CACHD1: variants seen among roughly 807,000 people sequenced by gnomAD.
CACHD1 encodes cache domain containing 1.
In CACHD1, 71 loss-of-function variants were observed where a neutral mutation model predicts 138.7. That is an observed-to-expected ratio of 0.51 (90% CI 0.42 to 0.62). CACHD1 has a LOEUF of 0.62. Among genes scored for constraint, CACHD1 ranks in the 20% least tolerant of loss-of-function variants. The pLI is 0.00. For missense variants in CACHD1, 1,389 were observed against 1,625.3 expected (o/e 0.85, Z 2.50); for synonymous variants, 578 against 591.5 (o/e 0.98, Z 0.33).
chr1:64,533,876 C>T (rs1243401850), intron 1 of CACHD1, among the ~76,000 whole-genome samples: 2 of 150,668 alleles, frequency 1.3e-5, no homozygotes, highest in African/African-American at 4.9e-5. Context: ...CCTCAGCCTC[C>T]TGAGTAGCTG....
At position 64,676,982 on chromosome 1, in the gene CACHD1, C is replaced by G; in HGVS notation, c.3063C>G (p.Asn1021Lys). 1 of 1,613,810 alleles carries G rather than the reference C, an allele frequency of 6.2e-7. No homozygotes were observed. ...GLQDALHQCV[N>K]SRCSQRLESG... is the part of the protein sequence containing the mutation. ...AAGATGCTCTTCACCAGTGTGTCAA[C>G]AGCAGGTGCAGTCAGAGGCTGGAAA... Residue 1021 changes from asparagine (N) to lysine (K), a missense_variant, in exon 22 of 27, where the codon AAC (asparagine) becomes AAG (lysine). By Grantham distance (94) the Asn-to-Lys change is moderately conservative (BLOSUM62 0). This residue lies in a region of CACHD1 where 250 missense variants were observed against 292.9 expected (regional missense o/e 0.85). Coordinates refer to ENST00000651257, the MANE Select transcript of CACHD1 (RefSeq NM_020925.4).
chr1:64,546,034 AAAC>A (rs1435782867), intron 1 of CACHD1, among the ~76,000 whole-genome samples: 1 of 152,226 alleles, frequency 6.6e-6, no homozygotes, highest in African/African-American at 2.4e-5. Context: ...AGAATTTTAA[AAAC>A]AAGAAAGAGT....
intron 1 of CACHD1, among the ~76,000 whole-genome samples, chr1:64,486,205 T>A (rs1229753943): frequency 6.6e-6 from 1 of 152,222 alleles, no homozygotes. Flanking sequence ...TAAATTGGGC[T>A]GTTTATTATC....
intron 1 of CACHD1, among the ~76,000 whole-genome samples, chr1:64,530,181 C>T (rs1043682652): frequency 3.9e-5 from 6 of 152,188 alleles, no homozygotes; most frequent in Non-Finnish European, 7.3e-5. Flanking sequence ...ACACTGGGCA[C>T]CTGCTTCAGT....
intron 2 of CACHD1, among the ~76,000 whole-genome samples, chr1:64,557,788 A>AATT (rs139615946): frequency 0.051 from 7,734 of 150,266 alleles, 293 homozygotes; most frequent in East Asian, 0.12. Flanking sequence ...CTTTTTAAAA[A>AATT]ATTATTATTA....
rs1491197265 is a variant in CACHD1 at position 64,634,017 on chromosome 1, GGT to G, written c.790-26_790-25del. ...TAGACGGTAGGATAACAAGTTTGGT[GGT>G]TTTTTTTTTTTTTCTTTCCTGCAGA... On this transcript the variant is annotated intron_variant, in intron 6 of 26. Coordinates refer to ENST00000651257, the MANE Select transcript of CACHD1 (RefSeq NM_020925.4). 2,023 of 1,213,212 alleles carry G rather than the reference GGT, an allele frequency of 1.7e-3. 1 individual carries two copies. The highest frequency in any genetic ancestry group is 5.3e-3 in the Admixed American group (204 of 38,414). 75.2% of individuals were successfully genotyped at this position (1,213,212 alleles called of 1,614,324 possible). A position where few individuals can be genotyped will look rare whatever the true frequency, so the allele number is the denominator to read the frequency against.
intron 3 of CACHD1, among the ~76,000 whole-genome samples, chr1:64,593,576 A>T (rs1431347983): frequency 1.3e-5 from 2 of 152,162 alleles, no homozygotes; most frequent in Non-Finnish European, 2.9e-5. Flanking sequence ...TTTCTCCATG[A>T]AGATATGTTT....
intron 1 of CACHD1, among the ~76,000 whole-genome samples, chr1:64,532,924 G>T (rs1269822548): frequency 1.6e-4 from 25 of 151,994 alleles, no homozygotes. Context: ...AGTGGTAGAA[G>T]GTAACAGCTC....
At chr1:64,546,520 A>G (rs1646719602) in intron 1 of CACHD1, among the ~76,000 whole-genome samples, 1 of 152,014 alleles carries the variant, frequency 6.6e-6, no homozygotes, top group Non-Finnish European at 1.5e-5. Context: ...TTTTTCATAT[A>G]GATGAGGTTT....
chr1:64,541,629 G>A lies in CACHD1; in HGVS notation c.199-8965G>A, dbSNP rs116581521. Among the ~76,000 whole-genome samples the A allele has an allele frequency of 8.8e-3, 1,337 of 152,044 alleles. 22 individuals carry two copies. The highest frequency in any genetic ancestry group is 0.031 in the African/African-American group (1,276 of 41,478). On this transcript the variant is annotated intron_variant, in intron 1 of 26. Coordinates refer to ENST00000651257, the MANE Select transcript of CACHD1 (RefSeq NM_020925.4). ...TCGAGACCAACCTGGACAACATAGC[G>A]ACACCCTGTCTCTACCAAACAAAAC... is the stretch of plus-strand genomic sequence containing the variant.
intron 10 of CACHD1, among the ~76,000 whole-genome samples, 176 bp downstream of exon 10, chr1:64,652,486 CAT>C (rs985440618): frequency 1.3e-5 from 2 of 152,168 alleles, no homozygotes; most frequent in African/African-American, 2.4e-5. Flanking sequence ...CCAAATTACA[CAT>C]GTGTTTCTCT....
intron 17 of CACHD1, 86 bp downstream of exon 17, chr1:64,671,772 G>A: frequency 1.3e-6 from 2 of 1,508,762 alleles, no homozygotes; most frequent in Non-Finnish European, 1.8e-6. Context: ...GAACCGCATA[G>A]TTATGGTCAG....
chr1:64,632,554 T>G, intron 5 of CACHD1, 45 bp from the exon 6 acceptor site: 2 of 1,608,796 alleles, frequency 1.2e-6, no homozygotes, highest in Non-Finnish European at 1.7e-6. Flanking sequence ...TTGAGGCCCT[T>G]TACCTAAACC....
At chr1:64,566,972 C>G (rs1250676326) in intron 2 of CACHD1, among the ~76,000 whole-genome samples, 3 of 151,940 alleles carry the variant, frequency 2.0e-5, no homozygotes, top group African/African-American at 7.3e-5. Context: ...GTATGTGTTG[C>G]CTCCTCTAAA....
intron 4 of CACHD1, among the ~76,000 whole-genome samples, chr1:64,618,732 C>T (rs1029930138): frequency 1.3e-5 from 2 of 152,192 alleles, no homozygotes; most frequent in African/African-American, 4.8e-5. Flanking sequence ...AAAATGTTTG[C>T]TGTTGTACAG....
chr1:64,663,802 G>C lies in CACHD1; in HGVS notation c.2059G>C (p.Asp687His), dbSNP rs1244394778. The change falls in exon 14 of 27, where the codon GAC becomes CAC. Residue 687 changes from aspartate (D) to histidine (H), a missense_variant. Transcript: ENST00000651257. The part of the protein sequence containing the change: ...MVEHYTAYLS[D>H]NTRLIANPGL... ...AGAGCACTACACCGCCTATCTCAGC[G>C]ACAACACCCGCCTCATTGCTAACCC... 1 of 1,614,090 alleles carries C rather than the reference G, an allele frequency of 6.2e-7. No homozygotes were observed. The highest frequency in any genetic ancestry group is 8.5e-7 in the Non-Finnish European group (1 of 1,180,004).
chr1:64,566,416 G>A (rs1449026069), intron 2 of CACHD1, among the ~76,000 whole-genome samples: 1 of 149,010 alleles, frequency 6.7e-6, no homozygotes. Context: ...CAAGTAGGGG[G>A]TTAGAGAACT....
intron 3 of CACHD1, among the ~76,000 whole-genome samples, chr1:64,600,773 G>C (rs916978562): frequency 6.6e-6 from 1 of 152,168 alleles, no homozygotes; most frequent in African/African-American, 2.4e-5. Flanking sequence ...CATAGACTTG[G>C]GAAGTCATCA....
At chr1:64,595,839 T>C (rs1441408907) in intron 3 of CACHD1, among the ~76,000 whole-genome samples, 1 of 152,212 alleles carries the variant, frequency 6.6e-6, no homozygotes, top group Non-Finnish European at 1.5e-5. Context: ...TGTGTGATAC[T>C]TAGACTTAAT....
Sources: gnomAD v4.1 joint callset for allele counts (sites outside exome capture counted in the v4.1 genomes callset) on GRCh38, gnomAD v4.1.1 for gene constraint, gnomAD v4.1.1 regional missense constraint, MANE v1.5 for transcripts, NCBI Gene and HGNC (gene_info 2026-07-23, HGNC 2026-07-21) for gene names.